Variants in NR2E1 observed in about 807,000 individuals in gnomAD.
NR2E1 encodes the protein nuclear receptor subfamily 2 group E member 1.
A neutral mutation model predicts 43.6 loss-of-function variants in NR2E1; 5 were observed. That is an observed-to-expected ratio of 0.11 (90% CI 0.06 to 0.24). The LOEUF is 0.24. NR2E1 is among the 10% of genes least tolerant of loss of function. The pLI is 1.00. For missense variants in NR2E1, 287 were observed against 496.7 expected, an observed-to-expected ratio of 0.58 and a Z score of 4.01; for synonymous variants, 191 against 195.5, an observed-to-expected ratio of 0.98 and a Z score of 0.19.
In NR2E1 at chr6:108,183,106, G is replaced by C. The variant is rs1774018569; in HGVS notation, c.995+1455G>C. The stretch of plus-strand genomic sequence containing the variant: ...ACCAGGTTACTTCTGGCCATGCAGG[G>C]CCCACAGGCAGAGGCTGTTTTTGGC... On this transcript the variant is annotated intron_variant, in intron 8 of 8. Transcript: ENST00000368986. Among the ~76,000 whole-genome samples the C allele has an allele frequency of 2.0e-5, 3 of 152,150 alleles. No homozygotes were observed. The South Asian group carries it at 6.2e-4, about 31-fold the overall frequency.
At chr6:108,181,289 G>A (rs1182092969) in intron 7 of NR2E1, among the ~76,000 whole-genome samples, 5 of 151,994 alleles carry the variant, frequency 3.3e-5, no homozygotes, top group African/African-American at 1.2e-4. Flanking sequence ...TGCCTCCTGG[G>A]TTTAAGCAAT....
At chr6:108,170,694 A>C (rs949646978) in intron 1 of NR2E1, among the ~76,000 whole-genome samples, 2 of 152,154 alleles carry the variant, frequency 1.3e-5, no homozygotes, top group African/African-American at 4.8e-5. Context: ...TCTTCTAGGG[A>C]GAAAGGGCTT....
intron 1 of NR2E1, among the ~76,000 whole-genome samples, chr6:108,167,457 A>T (rs1209970373): frequency 1.3e-5 from 2 of 152,070 alleles, no homozygotes; most frequent in Non-Finnish European, 2.9e-5. Context: ...TCCTTCCTCG[A>T]ACTTCCTTAG....
In NR2E1 at chr6:108,166,646, G is replaced by T; in HGVS notation, c.-120G>T. ...CGCGCGACTGACACCCACCTGTCCC[G>T]CCCAGGAGCCTTGCAGGCTGGAGGG... On this transcript the variant is annotated 5_prime_UTR_variant, in exon 1 of 9. Transcript: ENST00000368986. This position sits in a 1 kb window ranked among gnomAD's most constrained non-coding sequence, Gnocchi z 7.2. The T allele has an allele frequency of 2.5e-6, 2 of 792,488 alleles. No individual in the cohort carries two copies. The highest frequency in any genetic ancestry group is 4.0e-5 in the South Asian group (2 of 50,544). 49.1% of individuals were successfully genotyped at this position (792,488 alleles called of 1,614,324 possible).
rs769451088 is a variant in NR2E1 at position 108,171,407 on chromosome 6, T to A, written c.26-51T>A. On this transcript the variant is annotated intron_variant, in intron 1 of 8. Transcript: ENST00000368986. ...CCCCTTTTCTCCCTCTTCTCCGCCCTCCTTTCCCTCTCGCCCCTTCCCCCC... is the reference window on the plus strand; with the variant it reads ...CCCCTTTTCTCCCTCTTCTCCGCCCACCTTTCCCTCTCGCCCCTTCCCCCC... 10 of 1,601,902 alleles carry A rather than the reference T, an allele frequency of 6.2e-6. No individual in the cohort carries two copies. In the South Asian group the frequency reaches 1.1e-4, roughly 18 times the overall value.
intron 8 of NR2E1, among the ~76,000 whole-genome samples, chr6:108,183,961 G>A (rs1447163905): frequency 1.3e-5 from 2 of 152,180 alleles, no homozygotes; most frequent in African/African-American, 4.8e-5. Flanking sequence ...GGGAGTTCAA[G>A]GAGGGCGGAT....
In NR2E1 at chr6:108,187,501, C is replaced by T. The variant is rs1774093934; in HGVS notation, c.*38C>T. ...CCCACTTTTCAGGATGGGACAGTAT[C>T]AGATGAACTTCAACCCATGGAGAAC... On this transcript the variant is annotated 3_prime_UTR_variant, in exon 9 of 9. Coordinates refer to ENST00000368986, the MANE Select transcript of NR2E1 (RefSeq NM_003269.5). 2 of 1,605,176 alleles carry T rather than the reference C, an allele frequency of 1.2e-6. No homozygotes were observed. The highest frequency in any genetic ancestry group is 8.5e-7 in the Non-Finnish European group (1 of 1,172,456).
At position 108,183,884 on chromosome 6, in the gene NR2E1, A is replaced by G. The variant is rs557511669; in HGVS notation, c.995+2233A>G. Among the ~76,000 whole-genome samples the G allele has an allele frequency of 3.3e-5, 5 of 152,244 alleles. No homozygotes were observed. The East Asian group carries it at 9.6e-4, about 29-fold the overall frequency. ...AAATTTATTAAATGGAGCAGTACAT[A>G]ATCTGGGTACTTCTACTGACTTGTA... On this transcript the variant is annotated intron_variant, in intron 8 of 8. Transcript: ENST00000368986.
At chr6:108,185,409 T>C (rs28730450) in intron 8 of NR2E1, among the ~76,000 whole-genome samples, 91 of 146,888 alleles carry the variant, frequency 6.2e-4, no homozygotes, top group East Asian at 1.2e-3. Context: ...CACACACACA[T>C]ACACACACAC....
chr6:108,169,041 C>G lies in NR2E1; in HGVS notation c.25+2251C>G, dbSNP rs1290104010. On this transcript the variant is annotated intron_variant, in intron 1 of 8. Coordinates refer to ENST00000368986, the MANE Select transcript of NR2E1 (RefSeq NM_003269.5). This position sits in a 1 kb window ranked among gnomAD's most constrained non-coding sequence, Gnocchi z 6.1. ...GTTTTCCAGCTTCAGGAAACTCCGG[C>G]TCGCCTCACGTCGGAGCTCGCTCGG... 3 of 152,286 alleles carry G rather than the reference C, an allele frequency of 2.0e-5. No individual in the cohort carries two copies. Among genetic ancestry groups the G allele is most frequent in the Admixed American group, 2.0e-4 (3 of 15,290 alleles). 9.4% of individuals were successfully genotyped at this position (152,286 alleles called of 1,614,324 possible).
intron 1 of NR2E1, among the ~76,000 whole-genome samples, chr6:108,167,750 T>C (rs1773735049): frequency 6.6e-6 from 1 of 152,032 alleles, no homozygotes; most frequent in South Asian, 2.1e-4. Context: ...GTTGCCTTGC[T>C]GCTTGTGTTG....
Position 108,182,555 on chromosome 6 carries a change from ATTTTTTTTT to A in NR2E1, c.995+917_995+925del, listed in dbSNP as rs1240401253. On this transcript the variant is annotated intron_variant, in intron 8 of 8. Transcript: ENST00000368986. ...AGGTGCATGCCACCACACCCAGCTAATTTTTTTTTTTTTTTTTTTTTGAGACAGAGTTTC... is the reference window on the plus strand; with the variant it reads ...AGGTGCATGCCACCACACCCAGCTAATTTTTTTTTTTTGAGACAGAGTTTC... Among the ~76,000 whole-genome samples, 108 of 122,908 alleles carry A rather than the reference ATTTTTTTTT, an allele frequency of 8.8e-4. 1 individual carries two copies. The highest frequency in any genetic ancestry group is 3.4e-3 in the African/African-American group (105 of 30,774). 80.6% of individuals were successfully genotyped at this position (122,908 alleles called of 152,430 possible). A position where few individuals can be genotyped will look rare whatever the true frequency, so the allele number is the denominator to read the frequency against.
intron 1 of NR2E1, chr6:108,168,262 CA>C: frequency 7.9e-7 from 1 of 1,258,398 alleles, no homozygotes. Context: ...GCCTCCGTTG[CA>C]AAAACTGAAG....
Position 108,169,189 on chromosome 6 carries a change from G to C in NR2E1, c.26-2269G>C, listed in dbSNP as rs141465060. Among the ~76,000 whole-genome samples, 1 of 152,278 alleles carries C rather than the reference G, an allele frequency of 6.6e-6. No homozygotes were observed. Among genetic ancestry groups the C allele is most frequent in the East Asian group, 1.9e-4 (1 of 5,170 alleles). On this transcript the variant is annotated intron_variant, in intron 1 of 8. Transcript: ENST00000368986. This position sits in a 1 kb window ranked among gnomAD's most constrained non-coding sequence, Gnocchi z 6.1. ...GCCCGCTATGCCCCGGAATTTTCGCGTCCCTCCCTCCTGGGCCCCGCCCCA... is the reference window on the plus strand; with the variant it reads ...GCCCGCTATGCCCCGGAATTTTCGCCTCCCTCCCTCCTGGGCCCCGCCCCA...
chr6:108,181,655 A>C lies in NR2E1; in HGVS notation c.995+4A>C, dbSNP rs750684436. The C allele has an allele frequency of 6.2e-7, 1 of 1,612,618 alleles. No homozygotes were observed. The highest frequency in any genetic ancestry group is 8.5e-7 in the Non-Finnish European group (1 of 1,178,592). ...TCAACAGCTACATCCATACCAGGTG[A>C]CCCTTGTTTGCCTTGAACATGTACT... On this transcript the variant is annotated splice_donor_region_variant and intron_variant, in intron 8 of 8. Transcript: ENST00000368986.
chr6:108,179,281 G>A (rs913931906), intron 5 of NR2E1: 3 of 151,982 alleles, frequency 2.0e-5, no homozygotes, highest in Non-Finnish European at 4.4e-5. Context: ...TGTACTTGAT[G>A]GAATAAAACT....
At chr6:108,170,804 AAAT>A (rs1333234467) in intron 1 of NR2E1, among the ~76,000 whole-genome samples, 1 of 152,182 alleles carries the variant, frequency 6.6e-6, no homozygotes, top group Non-Finnish European at 1.5e-5. Flanking sequence ...TTTGCGGAGA[AAAT>A]AATTTTTTCC....
At chr6:108,175,987 T>C (rs950057383) in intron 3 of NR2E1, 1 of 158,028 alleles carries the variant, frequency 6.3e-6, no homozygotes, top group African/African-American at 2.4e-5. Flanking sequence ...GGGGCTCGGG[T>C]CCTTTCCTCC....
At position 108,180,550 on chromosome 6, in the gene NR2E1, A is replaced by G. The variant is rs1021244426; in HGVS notation, c.739+131A>G. ...GAGTATACCTGTCATTTATAAATCT[A>G]TATTTAAATGCAAATAATGTTGTTT... is the stretch of plus-strand genomic sequence containing the variant. On this transcript the variant is annotated intron_variant, in intron 6 of 8. Transcript: ENST00000368986. This position sits in a 1 kb window ranked among gnomAD's most constrained non-coding sequence, Gnocchi z 5.4. 1.3e-6 allele frequency: 1 copy of G among 767,328 alleles called. No homozygotes were observed. The highest frequency in any genetic ancestry group is 2.3e-6 in the Non-Finnish European group (1 of 442,368). The allele number at this position is 767,328 out of a possible 1,614,324, so 47.5% of individuals were successfully genotyped here. A position where few individuals can be genotyped will look rare whatever the true frequency, so the allele number is the denominator to read the frequency against.
Sources: gnomAD v4.1 joint callset for allele counts (sites outside exome capture counted in the v4.1 genomes callset) on GRCh38, gnomAD v4.1.1 for gene constraint, Gnocchi (gnomAD v3.1) non-coding constraint, MANE v1.5 for transcripts, NCBI Gene and HGNC (gene_info 2026-07-23, HGNC 2026-07-21) for gene names.